The following WDR47 variants were observed in gnomAD, a reference collection of about 807,000 sequenced individuals.
WDR47 encodes WD repeat domain 47.
Under a neutral mutation model 97.2 loss-of-function variants are expected in WDR47, and 32 were observed. That is an observed-to-expected ratio of 0.33 (90% CI 0.25 to 0.44). WDR47 has a LOEUF of 0.44. Among genes scored for constraint, WDR47 ranks in the 20% least tolerant of loss-of-function variants. The probability of loss-of-function intolerance (pLI) is 1.00; values close to 1 mark genes in which losing one functional copy is unlikely to be tolerated. For synonymous variants in WDR47, 375 were observed against 373.5 expected (o/e 1.00, Z -0.05); for missense variants, 782 against 1,102.3 (o/e 0.71, Z 4.11).
chr1:108,987,556 C>T (rs1658935695), intron 9 of WDR47, among the ~76,000 whole-genome samples: 1 of 152,096 alleles, frequency 6.6e-6, no homozygotes, highest in South Asian at 2.1e-4. Context: ...CAACCTCTGC[C>T]TCCCAGGTTC....
intron 8 of WDR47, among the ~76,000 whole-genome samples, chr1:108,993,559 G>C (rs951463374): frequency 5.3e-5 from 8 of 152,174 alleles, no homozygotes; most frequent in Non-Finnish European, 7.3e-5. Flanking sequence ...GAAACTGTGA[G>C]ATGCTAAAAA....
chr1:108,976,459 G>A (rs1427281100), intron 13 of WDR47, among the ~76,000 whole-genome samples: 1 of 151,664 alleles, frequency 6.6e-6, no homozygotes, highest in East Asian at 1.9e-4. Flanking sequence ...AGTTTATAGT[G>A]TCAACAAAAA....
intron 1 of WDR47, among the ~76,000 whole-genome samples, chr1:109,039,493 C>T (rs1254039893): frequency 2.0e-5 from 3 of 152,238 alleles, no homozygotes; most frequent in East Asian, 1.9e-4. Flanking sequence ...CCTGACCTCA[C>T]GTGATCCGCC....
intron 9 of WDR47, 109 bp from the exon 10 acceptor site, chr1:108,986,789 G>A (rs1658863544): frequency 1.0e-6 from 1 of 973,858 alleles, no homozygotes; most frequent in Non-Finnish European, 1.5e-6. Flanking sequence ...GTTGGATCAT[G>A]TTAGGTTTAC....
intron 5 of WDR47, among the ~76,000 whole-genome samples, chr1:109,005,596 C>T (rs956481805): frequency 1.3e-5 from 2 of 152,022 alleles, no homozygotes; most frequent in Non-Finnish European, 2.9e-5. Flanking sequence ...TTGGGTGGGC[C>T]GGGCACAGTG....
chr1:108,972,540 T>C (rs1657535714), intron 14 of WDR47, among the ~76,000 whole-genome samples: 2 of 152,094 alleles, frequency 1.3e-5, no homozygotes, highest in Non-Finnish European at 2.9e-5. Flanking sequence ...ATACTGATAA[T>C]GGGGGAGGCA....
intron 10 of WDR47, among the ~76,000 whole-genome samples, chr1:108,984,487 T>C (rs755150701): frequency 3.3e-5 from 5 of 152,242 alleles, no homozygotes; most frequent in Non-Finnish European, 7.3e-5. Flanking sequence ...CATTTCAGCA[T>C]ACTAGTCTAC....
chr1:109,028,384 T>TTTTTTTG (rs56850913), intron 1 of WDR47, among the ~76,000 whole-genome samples: 1 of 147,042 alleles, frequency 6.8e-6, no homozygotes, highest in African/African-American at 2.5e-5. Context: ...TTTTTTTTTT[T>TTTTTTTG]GTAGAGATTG....
In WDR47 at chr1:108,986,602, G is replaced by A; in HGVS notation, c.1846C>T (p.Pro616Ser). 6.2e-7 allele frequency: 1 copy of A among 1,613,714 alleles called. No individual in the cohort carries two copies. The highest frequency in any genetic ancestry group is 8.5e-7 in the Non-Finnish European group (1 of 1,179,778). Residue 616 changes from proline to serine, a missense_variant, in exon 10 of 15, where the codon CCA (proline) becomes TCA (serine). Physicochemically the swap from Pro to Ser is moderately conservative, Grantham distance 74. Around this residue, in one of 3 missense-constraint regions of WDR47, gnomAD observed 228 missense variants for 396.7 expected, o/e 0.57. Transcript: ENST00000369962. ...CCAACAGCATATAAACCTCCAGCTGGATGAAAAGCCACTGCTCTAACAGCT... is the reference window on the plus strand; with the variant it reads ...CCAACAGCATATAAACCTCCAGCTGAATGAAAAGCCACTGCTCTAACAGCT... ...TQAVRAVAFH[P>S]AGGLYAVGSN...
intron 8 of WDR47, among the ~76,000 whole-genome samples, chr1:108,991,864 T>C (rs1659373944): frequency 6.6e-6 from 1 of 152,130 alleles, no homozygotes; most frequent in Admixed American, 6.5e-5. Context: ...GGTCTCCCTA[T>C]GTTGCCCAGG....
In WDR47 at chr1:109,011,484, T is replaced by G; in HGVS notation, c.562A>C (p.Lys188Gln). Residue 188 changes from lysine (K) to glutamine (Q), a missense_variant, in exon 5 of 15, where the codon AAG (lysine) becomes CAG (glutamine). By Grantham distance (53) the Lys-to-Gln change is moderately conservative. This residue lies in a region of WDR47 where 428 missense variants were observed against 584.3 expected (regional missense o/e 0.73). Coordinates refer to ENST00000369962, the MANE Select transcript of WDR47 (RefSeq NM_001142551.2). ...TGAAATAAACGATTGTTACTAGCCTTAAAACCAGCTTCACTTAGCTTCCTA... is the reference window on the plus strand; with the variant it reads ...TGAAATAAACGATTGTTACTAGCCTGAAAACCAGCTTCACTTAGCTTCCTA... ...ADRKLSEAGF[K>Q]ASNNRLFQLV... 1 of 1,614,200 alleles carries G rather than the reference T, an allele frequency of 6.2e-7. No individual in the cohort carries two copies. The highest frequency in any genetic ancestry group is 8.5e-7 in the Non-Finnish European group (1 of 1,180,040).
intron 2 of WDR47, among the ~76,000 whole-genome samples, chr1:109,021,465 T>C (rs1471713414): frequency 6.7e-6 from 1 of 149,652 alleles, no homozygotes; most frequent in Non-Finnish European, 1.5e-5. Flanking sequence ...GAGGTGGAGG[T>C]TGTAGTGAGC....
chr1:108,971,182 C>G lies in WDR47; in HGVS notation c.*248G>C. The G allele has an allele frequency of 2.3e-6, 1 of 426,582 alleles. No homozygotes were observed. The highest frequency in any genetic ancestry group is 4.2e-6 in the Non-Finnish European group (1 of 238,626). 26.4% of individuals were successfully genotyped at this position (426,582 alleles called of 1,614,324 possible). A position where few individuals can be genotyped will look rare whatever the true frequency, so the allele number is the denominator to read the frequency against. ...GGAGTGCACACCAACAACTGAAGAG[C>G]TCTTCTGCAGACTTTGGCAACGAGA... On this transcript the variant is annotated 3_prime_UTR_variant, in exon 15 of 15. Transcript: ENST00000369962.
Position 109,011,093 on chromosome 1 carries a change from T to A in WDR47, c.953A>T (p.Asp318Val). The A allele has an allele frequency of 6.2e-7, 1 of 1,614,076 alleles. No individual in the cohort carries two copies. Among genetic ancestry groups the A allele is most frequent in the Non-Finnish European group, 8.5e-7 (1 of 1,180,008 alleles). ...ACTGGTTAGTCCACAGGTGAGGCCA[T>A]CTAAAGCAGGATTCAGAGAGCGGGT... ...YMTRSLNPAL[D>V]GLTCGLTSHD... Residue 318 changes from aspartate (D) to valine (V), a missense_variant, in exon 5 of 15, where the codon GAT becomes GTT. Coordinates refer to ENST00000369962, the MANE Select transcript of WDR47 (RefSeq NM_001142551.2).
chr1:109,021,815 C>G (rs187001960), intron 2 of WDR47, among the ~76,000 whole-genome samples: 1 of 151,846 alleles, frequency 6.6e-6, no homozygotes, highest in Non-Finnish European at 1.5e-5. Context: ...GCGTAAGCCA[C>G]CACGCCTGGC....
chr1:108,992,919 T>C (rs1659473295), intron 8 of WDR47: 5 of 1,004,306 alleles, frequency 5.0e-6, no homozygotes, highest in South Asian at 1.4e-5. Context: ...TGCTAAATAA[T>C]ATTTTTTTAA....
At chr1:109,029,967 C>T in intron 1 of WDR47, 1 of 383,216 alleles carries the variant, frequency 2.6e-6, no homozygotes, top group South Asian at 1.2e-4. Flanking sequence ...GGAAAAACTT[C>T]ATGAAAAAAT....
At chr1:109,010,425 G>T (rs1660952629) in intron 5 of WDR47, among the ~76,000 whole-genome samples, 1 of 151,978 alleles carries the variant, frequency 6.6e-6, no homozygotes, top group African/African-American at 2.4e-5. Context: ...GAGTATGGTG[G>T]TGTGTGCCGG....
At chr1:108,974,216 G>A (rs3861912) in intron 14 of WDR47, among the ~76,000 whole-genome samples, 16,532 of 151,070 alleles carry the variant, frequency 0.11, 1,063 homozygotes, top group African/African-American at 0.16. Context: ...CAGGCTGGGC[G>A]TGGTGGCTCA....
Sources: gnomAD v4.1 joint callset for allele counts (sites outside exome capture counted in the v4.1 genomes callset) on GRCh38, gnomAD v4.1.1 for gene constraint, gnomAD v4.1.1 regional missense constraint, MANE v1.5 for transcripts, NCBI Gene and HGNC (gene_info 2026-07-23, HGNC 2026-07-21) for gene names.